The following KCND3 variants were observed in gnomAD, a reference collection of about 807,000 sequenced individuals.
KCND3 encodes the protein A-type voltage-gated potassium channel KCND3.
A neutral mutation model predicts 51.1 loss-of-function variants in KCND3; 9 were observed. The observed-to-expected ratio is 0.18, with a 90% CI of 0.11 to 0.31. KCND3 has a LOEUF of 0.31. Ranked by LOEUF, KCND3 falls within the 10% of genes least tolerant of loss-of-function variation. KCND3 has a pLI of 1.00. For synonymous variants in KCND3, 349 were observed against 368.0 expected (o/e 0.95, Z 0.59); for missense variants, 526 against 903.8 (o/e 0.58, Z 5.36).
chr1:111,777,666 T>C (rs988639420), intron 6 of KCND3, among the ~76,000 whole-genome samples: 4 of 152,184 alleles, frequency 2.6e-5, no homozygotes, highest in Admixed American at 6.5e-5. Context: ...AAGGAGTCAC[T>C]GACTGTGGGA....
chr1:111,844,794 G>C (rs186392798), intron 2 of KCND3, among the ~76,000 whole-genome samples: 3 of 152,074 alleles, frequency 2.0e-5, no homozygotes, highest in African/African-American at 4.8e-5. Flanking sequence ...AGAAGGCAGC[G>C]TTCCTCCTGT....
At chr1:111,825,311 G>A (rs1359255156) in intron 2 of KCND3, among the ~76,000 whole-genome samples, 1 of 152,072 alleles carries the variant, frequency 6.6e-6, no homozygotes, top group East Asian at 1.9e-4. Context: ...CTACTTTGTG[G>A]CACAATGGCC....
chr1:111,888,023 A>G (rs1338509696), intron 2 of KCND3, among the ~76,000 whole-genome samples: 3 of 152,260 alleles, frequency 2.0e-5, no homozygotes, highest in African/African-American at 4.8e-5. Context: ...AGCACAAGGT[A>G]CCCCTGGCTG....
intron 2 of KCND3, among the ~76,000 whole-genome samples, chr1:111,846,256 T>C (rs1667542813): frequency 1.3e-5 from 2 of 152,340 alleles, no homozygotes; most frequent in South Asian, 4.1e-4. Flanking sequence ...ACTGAAATAT[T>C]TGCTGTTCTC....
chr1:111,963,775 G>T (rs914247019), intron 2 of KCND3, among the ~76,000 whole-genome samples: 1 of 152,198 alleles, frequency 6.6e-6, no homozygotes, highest in Non-Finnish European at 1.5e-5. Context: ...CACAAAGAAG[G>T]TAATAGTGGA....
chr1:111,985,294 G>A (rs1675210890), intron 1 of KCND3, among the ~76,000 whole-genome samples: 1 of 152,200 alleles, frequency 6.6e-6, no homozygotes, highest in Non-Finnish European at 1.5e-5. Context: ...AGACACCACT[G>A]TAGGCCATGT....
chr1:111,816,712 G>C (rs990710321), intron 2 of KCND3, among the ~76,000 whole-genome samples: 1 of 152,214 alleles, frequency 6.6e-6, no homozygotes, highest in Non-Finnish European at 1.5e-5. Flanking sequence ...AAAACCTAAA[G>C]AGAAAGGGAA....
rs550599023 is a variant in KCND3 at position 111,971,271 on chromosome 1, T to C, written c.1106+10350A>G. Reference sequence around the variant, plus strand: ...TTCTGCTTTCTTGGGTGGGTACTGTTTGTTTAATAATCATTGCAGGAGGCA... The same window carrying C: ...TTCTGCTTTCTTGGGTGGGTACTGTCTGTTTAATAATCATTGCAGGAGGCA... On this transcript the variant is annotated intron_variant, in intron 2 of 7. Transcript: ENST00000302127. Among the ~76,000 whole-genome samples, 491 of 147,898 alleles carry C rather than the reference T, an allele frequency of 3.3e-3. 5 individuals are homozygous for C. Among genetic ancestry groups the C allele is most frequent in the African/African-American group, 0.012 (462 of 39,924 alleles).
At chr1:111,883,492 G>A (rs1488428818) in intron 2 of KCND3, among the ~76,000 whole-genome samples, 9 of 152,134 alleles carry the variant, frequency 5.9e-5, no homozygotes, top group Admixed American at 5.9e-4. Flanking sequence ...AGCCTCCCTG[G>A]TTGGAATTCA....
chr1:111,855,992 G>A (rs1268118263), intron 2 of KCND3, among the ~76,000 whole-genome samples: 1 of 152,200 alleles, frequency 6.6e-6, no homozygotes, highest in Non-Finnish European at 1.5e-5. Context: ...AGCCAAGGGA[G>A]TACCCCAACC....
intron 2 of KCND3, among the ~76,000 whole-genome samples, chr1:111,861,148 G>A (rs1668321500): frequency 1.3e-5 from 2 of 152,148 alleles, no homozygotes; most frequent in African/African-American, 4.8e-5. Flanking sequence ...AAAACCAAAA[G>A]GGCAGAAAGG....
intron 2 of KCND3, among the ~76,000 whole-genome samples, chr1:111,913,869 C>G (rs1671075317): frequency 6.6e-6 from 1 of 152,144 alleles, no homozygotes; most frequent in African/African-American, 2.4e-5. Flanking sequence ...GCACTCTACC[C>G]TGGGCAACAG....
In KCND3 at chr1:111,856,152, C is replaced by G. The variant is rs574603661; in HGVS notation, c.1107-69046G>C. Among the ~76,000 whole-genome samples the G allele has an allele frequency of 4.6e-5, 7 of 152,350 alleles. No individual in the cohort carries two copies. The East Asian group carries it at 1.4e-3, about 29-fold the overall frequency. On this transcript the variant is annotated intron_variant, in intron 2 of 7. Transcript: ENST00000302127. ...GACTGCCTCCGCACTCTGCACCTGC[C>G]TTGCAGGGGAGAGAAGAGGTAGGAT...
chr1:111,938,638 A>G (rs1346980053), intron 2 of KCND3, among the ~76,000 whole-genome samples: 2 of 152,212 alleles, frequency 1.3e-5, no homozygotes, highest in Non-Finnish European at 2.9e-5. Context: ...ACTTGAAAGA[A>G]GTAAGGTTAT....
intron 1 of KCND3, among the ~76,000 whole-genome samples, chr1:111,983,546 G>T (rs984909258): frequency 1.3e-4 from 20 of 152,258 alleles, no homozygotes; most frequent in African/African-American, 4.6e-4. Context: ...GCTGGGCAGG[G>T]TCTCTTTCCC....
At chr1:111,895,193 G>A (rs1571812667) in intron 2 of KCND3, among the ~76,000 whole-genome samples, 2 of 150,758 alleles carry the variant, frequency 1.3e-5, no homozygotes, top group Admixed American at 1.3e-4. Context: ...GAGCAAGGAG[G>A]GGGAGGAGGC....
At chr1:111,945,734 T>A (rs1368202662) in intron 2 of KCND3, among the ~76,000 whole-genome samples, 1 of 152,196 alleles carries the variant, frequency 6.6e-6, no homozygotes, top group Non-Finnish European at 1.5e-5. Flanking sequence ...ACAAGAACCT[T>A]GAGTAGGGTC....
chr1:111,800,136 G>A (rs1309194654), intron 2 of KCND3, among the ~76,000 whole-genome samples: 1 of 144,588 alleles, frequency 6.9e-6, no homozygotes, highest in East Asian at 2.0e-4. Flanking sequence ...GAAATCGGAT[G>A]GTTGCCGTGT....
intron 2 of KCND3, among the ~76,000 whole-genome samples, chr1:111,899,849 G>C (rs1670298454): frequency 2.0e-5 from 3 of 152,142 alleles, no homozygotes; most frequent in Non-Finnish European, 4.4e-5. Context: ...AGAAGGAGGA[G>C]TGTGATACTC....
Sources: gnomAD v4.1 joint callset for allele counts (sites outside exome capture counted in the v4.1 genomes callset) on GRCh38, gnomAD v4.1.1 for gene constraint, MANE v1.5 for transcripts, NCBI Gene and HGNC (gene_info 2026-07-23, HGNC 2026-07-21) for gene names.